NPRL3: variants seen among roughly 807,000 people sequenced by gnomAD.
The protein encoded by NPRL3 is NPR3 like, GATOR1 complex subunit.
Under a neutral mutation model 57.2 loss-of-function variants are expected in NPRL3, and 23 were observed. That is an observed-to-expected ratio of 0.40 (90% CI 0.29 to 0.57). NPRL3 has a LOEUF of 0.57. NPRL3 is among the 20% of genes least tolerant of loss of function. The pLI is 0.42. For synonymous variants in NPRL3, 333 were observed against 321.1 expected, an observed-to-expected ratio of 1.04 and a Z score of -0.39; for missense variants, 691 against 767.1, an observed-to-expected ratio of 0.90 and a Z score of 1.17.
intron 5 of NPRL3, among the ~76,000 whole-genome samples, chr16:114,406 AG>A (rs1167552605): frequency 6.6e-6 from 1 of 152,254 alleles, no homozygotes; most frequent in Non-Finnish European, 1.5e-5. Context: ...ATAAAGTGGC[AG>A]GAAGTTTAAG....
At chr16:132,911 C>T (rs535024021) in intron 2 of NPRL3, among the ~76,000 whole-genome samples, 43 of 152,230 alleles carry the variant, frequency 2.8e-4, no homozygotes, top group African/African-American at 7.9e-4. Context: ...CCTCGTGATC[C>T]GCCCACCTCG....
rs192276661 is a variant in NPRL3, at chr16:120,846, A to G, written c.189-1591T>C. 4.5e-4 allele frequency among the ~76,000 whole-genome samples: 68 copies of G among 152,296 alleles called. 1 individual carries two copies. In the Middle Eastern group the frequency reaches 0.01, roughly 23 times the overall value. ...AACCCTAAATGGCTCACTCTGTTCTATAACTCCCATCTGTGGGACATGGTA... is the reference window on the plus strand; with the variant it reads ...AACCCTAAATGGCTCACTCTGTTCTGTAACTCCCATCTGTGGGACATGGTA... On this transcript the variant is annotated intron_variant, in intron 3 of 13. Transcript: ENST00000611875.
rs1393501711 is a variant in NPRL3 at position 123,224 on chromosome 16, G to A, written c.189-3969C>T. ...CTACTTGTGCCTACCTGGAGGAAGAGGAGGTTTGTGTGACATGCCTGGTCC... is the reference window on the plus strand; with the variant it reads ...CTACTTGTGCCTACCTGGAGGAAGAAGAGGTTTGTGTGACATGCCTGGTCC... On this transcript the variant is annotated intron_variant, in intron 3 of 13. Transcript: ENST00000611875. 2.6e-5 allele frequency among the ~76,000 whole-genome samples: 4 copies of A among 152,162 alleles called. No individual in the cohort carries two copies. In the South Asian group the frequency reaches 8.3e-4, roughly 32 times the overall value.
chr16:107,304 A>G (rs184158577), intron 7 of NPRL3, among the ~76,000 whole-genome samples: 1 of 152,316 alleles, frequency 6.6e-6, no homozygotes, highest in Admixed American at 6.5e-5. Flanking sequence ...TCAACTTTCC[A>G]GCACGATTCA....
chr16:88,983 C>A (rs1596495394), intron 12 of NPRL3, 93 bp from the exon 13 acceptor site: 1 of 1,131,964 alleles, frequency 8.8e-7, no homozygotes, highest in Non-Finnish European at 1.3e-6. Flanking sequence ...TCCAATGACA[C>A]CCCTAACTCC....
At chr16:134,981 G>C (rs1334426076) in intron 2 of NPRL3, among the ~76,000 whole-genome samples, 1 of 152,022 alleles carries the variant, frequency 6.6e-6, no homozygotes, top group African/African-American at 2.4e-5. Flanking sequence ...GATTACAGGC[G>C]TGAGCCACCG....
At chr16:114,105 C>G (rs1330587478) in intron 5 of NPRL3, among the ~76,000 whole-genome samples, 3 of 152,174 alleles carry the variant, frequency 2.0e-5, no homozygotes, top group Non-Finnish European at 4.4e-5. Context: ...ACAAATACTT[C>G]CACGAGCAAA....
chr16:118,842 C>G (rs1194682164), intron 4 of NPRL3, among the ~76,000 whole-genome samples: 1 of 152,070 alleles, frequency 6.6e-6, no homozygotes, highest in Non-Finnish European at 1.5e-5. Flanking sequence ...CAGGGAGAAC[C>G]CCACCTGCCC....
chr16:138,066 C>T (rs1901193398), intron 2 of NPRL3, 84 bp downstream of exon 2: 3 of 990,986 alleles, frequency 3.0e-6, no homozygotes, highest in Admixed American at 2.3e-5. Flanking sequence ...AAAAGCTAAG[C>T]TCCGCGAGGC....
chr16:96,680 G>T (rs1327648244), intron 9 of NPRL3, among the ~76,000 whole-genome samples: 2 of 149,020 alleles, frequency 1.3e-5, no homozygotes, highest in Non-Finnish European at 3.0e-5. Context: ...ATATTAGCCA[G>T]GCGCACACCT....
intron 3 of NPRL3, chr16:123,606 GA>G: frequency 2.1e-6 from 1 of 465,968 alleles, no homozygotes; most frequent in South Asian, 1.6e-5. Context: ...TAAAAACCAT[GA>G]AAAGTTACAA....
chr16:121,283 C>T (rs1458775686), intron 3 of NPRL3, among the ~76,000 whole-genome samples: 1 of 152,124 alleles, frequency 6.6e-6, no homozygotes, highest in Non-Finnish European at 1.5e-5. Context: ...TGCTAGAGGC[C>T]AGGGTCTGCA....
intron 13 of NPRL3, 116 bp downstream of exon 13, chr16:88,582 G>T: frequency 1.0e-6 from 1 of 953,074 alleles, no homozygotes; most frequent in South Asian, 1.6e-5. Context: ...ACTCCATCTC[G>T]AACAGGGCCC....
chr16:123,692 T>C (rs1405547201), intron 3 of NPRL3: 1 of 398,336 alleles, frequency 2.5e-6, no homozygotes. Context: ...CCATCACGAC[T>C]AAGCAACTTA....
intron 2 of NPRL3, among the ~76,000 whole-genome samples, chr16:132,097 C>T (rs1900839235): frequency 6.6e-6 from 1 of 151,860 alleles, no homozygotes; most frequent in African/African-American, 2.4e-5. Context: ...TCTTGACCTC[C>T]CAAGGCTCAG....
intron 3 of NPRL3, among the ~76,000 whole-genome samples, chr16:129,900 T>C (rs1900714020): frequency 6.6e-6 from 1 of 152,178 alleles, no homozygotes; most frequent in Admixed American, 6.5e-5. Flanking sequence ...TGGGCCTATG[T>C]TACCATTTAC....
At chr16:123,489 G>T (rs769269359) in intron 3 of NPRL3, 76 of 470,850 alleles carry the variant, frequency 1.6e-4, no homozygotes, top group African/African-American at 4.0e-4. Context: ...AAAGACGGTG[G>T]AGAGGTCTCG....
Position 105,553 on chromosome 16 carries a change from C to T in NPRL3, c.629+4972G>A, listed in dbSNP as rs191989829. Among the ~76,000 whole-genome samples the T allele has an allele frequency of 4.7e-3, 721 of 152,320 alleles. 24 individuals carry two copies. Among genetic ancestry groups the T allele is most frequent in the Admixed American group, 0.043 (659 of 15,306 alleles). The stretch of plus-strand genomic sequence containing the variant: ...GGGTCCATGGGACCAACCCTGCTCT[C>T]GACAGTTTGCAGTGCAAGGCTCCGC... On this transcript the variant is annotated intron_variant, in intron 7 of 13. Coordinates refer to ENST00000611875, the MANE Select transcript of NPRL3 (RefSeq NM_001077350.3).
intron 2 of NPRL3, among the ~76,000 whole-genome samples, chr16:136,738 A>T (rs1288849526): frequency 6.6e-6 from 1 of 151,720 alleles, no homozygotes; most frequent in Non-Finnish European, 1.5e-5. Flanking sequence ...TTGACACAGA[A>T]GGTCCTGGAA....
Sources: gnomAD v4.1 joint callset for allele counts (sites outside exome capture counted in the v4.1 genomes callset) on GRCh38, gnomAD v4.1.1 for gene constraint, MANE v1.5 for transcripts, NCBI Gene and HGNC (gene_info 2026-07-23, HGNC 2026-07-21) for gene names.